The following FSHR variants were observed in gnomAD, a reference collection of about 807,000 sequenced individuals.
The protein encoded by FSHR is follicle-stimulating hormone receptor.
Under a neutral mutation model 52.1 loss-of-function variants are expected in FSHR, and 46 were observed. The ratio of observed to expected loss-of-function variants is 0.88; its 90% confidence interval spans 0.70 to 1.13. FSHR has a LOEUF of 1.13. Among genes scored for constraint, FSHR ranks in the 50% most tolerant of loss-of-function variants. The pLI, the probability that FSHR is intolerant of heterozygous loss-of-function variation, is 0.00. For synonymous variants in FSHR, 399 were observed against 309.6 expected, an observed-to-expected ratio of 1.29 and a Z score of -3.03; for missense variants, 964 against 834.6, an observed-to-expected ratio of 1.16 and a Z score of -1.91.
intron 2 of FSHR, among the ~76,000 whole-genome samples, chr2:49,046,563 A>G (rs1448505907): frequency 6.6e-6 from 1 of 152,172 alleles, no homozygotes; most frequent in African/African-American, 2.4e-5. Context: ...TTTCTGGCAA[A>G]ATAATCACAC....
chr2:49,005,275 G>A (rs17326845), intron 4 of FSHR, among the ~76,000 whole-genome samples: 34 of 152,140 alleles, frequency 2.2e-4, no homozygotes, highest in African/African-American at 7.7e-4. Flanking sequence ...GGAGATGACC[G>A]GCTTGGGCTG....
Position 48,963,498 on chromosome 2 carries a change from G to A in FSHR, c.1323C>T (p.Gly441=). ...CAGTGAAAAAGCCAGCAGCATCACA[G>A]CCTGCCCCAGTTTGCCAGTCAATGG... The part of the protein sequence containing the change: ...NYAIDWQTGA[G]CDAAGFFTVF... Residue 441 remains glycine, a synonymous_variant, in exon 10 of 10, where the codon GGC becomes GGT. Transcript: ENST00000406846. The A allele has an allele frequency of 1.2e-6, 2 of 1,614,182 alleles. No homozygotes were observed. Among genetic ancestry groups the A allele is most frequent in the African/African-American group, 2.7e-5 (2 of 75,052 alleles).
At chr2:48,988,105 T>C (rs1349831283) in intron 6 of FSHR, among the ~76,000 whole-genome samples, 1 of 152,236 alleles carries the variant, frequency 6.6e-6, no homozygotes, top group Non-Finnish European at 1.5e-5. Flanking sequence ...ATAATCTGTC[T>C]ACTATTTCTT....
At chr2:49,004,825 C>A (rs1174594466) in intron 4 of FSHR, among the ~76,000 whole-genome samples, 1 of 152,066 alleles carries the variant, frequency 6.6e-6, no homozygotes, top group African/African-American at 2.4e-5. Flanking sequence ...GAAAGACAGA[C>A]AGGTCTTATT....
chr2:49,127,874 C>T lies in FSHR; in HGVS notation c.152+26392G>A, dbSNP rs1558456958. Among the ~76,000 whole-genome samples the T allele has an allele frequency of 8.8e-4, 34 of 38,824 alleles. 1 individual carries two copies. Among genetic ancestry groups the T allele is most frequent in the African/African-American group, 2.8e-3 (14 of 5,088 alleles). 25.5% of individuals were successfully genotyped at this position (38,824 alleles called of 152,430 possible). ...TCTTCTTCTTCTTCTTCTTCTTCTT[C>T]TTCTTCTTCTTCTTCTTCTTCTTCT... is the stretch of plus-strand genomic sequence containing the variant. On this transcript the variant is annotated intron_variant, in intron 1 of 9. Transcript: ENST00000406846.
At chr2:49,137,215 T>A (rs1330707861) in intron 1 of FSHR, among the ~76,000 whole-genome samples, 1 of 151,952 alleles carries the variant, frequency 6.6e-6, no homozygotes, top group Non-Finnish European at 1.5e-5. Context: ...GTACTTGCAA[T>A]GAACAAATTA....
At chr2:49,083,461 A>C (rs1670253732) in intron 1 of FSHR, among the ~76,000 whole-genome samples, 1 of 150,092 alleles carries the variant, frequency 6.7e-6, no homozygotes, top group African/African-American at 2.5e-5. Flanking sequence ...ACCAGCTAAC[A>C]TCATAATGAC....
intron 1 of FSHR, among the ~76,000 whole-genome samples, chr2:49,140,076 G>A (rs1672623991): frequency 6.6e-6 from 1 of 152,070 alleles, no homozygotes; most frequent in Admixed American, 6.6e-5. Flanking sequence ...ATTTGTTAGG[G>A]CAGCTTTGGC....
intron 2 of FSHR, among the ~76,000 whole-genome samples, chr2:49,036,833 A>C (rs1170157647): frequency 1.3e-5 from 2 of 152,236 alleles, no homozygotes; most frequent in Non-Finnish European, 2.9e-5. Flanking sequence ...CTGAGACAAA[A>C]GCCTCTCCAG....
chr2:49,097,625 A>G (rs75051413), intron 1 of FSHR, among the ~76,000 whole-genome samples: 5,909 of 152,274 alleles, frequency 0.039, 168 homozygotes, highest in Middle Eastern at 0.058. Context: ...TGGAAAATGT[A>G]TCTCTGAGCA....
At chr2:49,105,818 C>A (rs1671200876) in intron 1 of FSHR, among the ~76,000 whole-genome samples, 2 of 152,036 alleles carry the variant, frequency 1.3e-5, no homozygotes, top group Non-Finnish European at 2.9e-5. Context: ...CCTCTCTCCA[C>A]CATGTGAGGC....
At chr2:48,968,596 C>T (rs890430449) in intron 9 of FSHR, 102 bp downstream of exon 9, 3 of 1,379,952 alleles carry the variant, frequency 2.2e-6, no homozygotes, top group African/African-American at 1.4e-5. Flanking sequence ...AGACAGGGAA[C>T]TCTCTGCAAG....
At chr2:49,052,832 G>A (rs1668920705) in intron 2 of FSHR, among the ~76,000 whole-genome samples, 1 of 152,208 alleles carries the variant, frequency 6.6e-6, no homozygotes, top group Admixed American at 6.5e-5. Flanking sequence ...GGGGTGCTCT[G>A]AAGGGCAAAG....
chr2:49,129,051 T>C (rs1409080465), intron 1 of FSHR, among the ~76,000 whole-genome samples: 1 of 149,876 alleles, frequency 6.7e-6, no homozygotes. Context: ...TTTCTTGTTT[T>C]TTTTTTTTTC....
chr2:49,103,936 C>A (rs1671130250), intron 1 of FSHR, among the ~76,000 whole-genome samples: 1 of 150,444 alleles, frequency 6.6e-6, no homozygotes, highest in Non-Finnish European at 1.5e-5. Flanking sequence ...TTCCCCAAAG[C>A]TCAAATGTCA....
At chr2:49,106,628 G>C (rs1420205815) in intron 1 of FSHR, among the ~76,000 whole-genome samples, 6 of 152,212 alleles carry the variant, frequency 3.9e-5, no homozygotes, top group African/African-American at 9.6e-5. Context: ...CAAACTGCAG[G>C]CTCATGAGCA....
chr2:49,004,990 C>G (rs926871109), intron 4 of FSHR, among the ~76,000 whole-genome samples: 9 of 152,108 alleles, frequency 5.9e-5, no homozygotes, highest in African/African-American at 2.2e-4. Context: ...TTAGAAATCC[C>G]CCGTCATGGA....
intron 1 of FSHR, among the ~76,000 whole-genome samples, chr2:49,101,878 G>A (rs1671039684): frequency 6.6e-6 from 1 of 152,130 alleles, no homozygotes; most frequent in African/African-American, 2.4e-5. Flanking sequence ...AGGTGGCACA[G>A]GGTATTATAT....
chr2:48,971,659 T>A (rs1466869427), intron 8 of FSHR, among the ~76,000 whole-genome samples: 1 of 152,234 alleles, frequency 6.6e-6, no homozygotes, highest in Non-Finnish European at 1.5e-5. Context: ...CTGATTTTTT[T>A]GCTTCTTTGT....
Sources: allele counts gnomAD v4.1 joint callset (sites outside exome capture counted in the v4.1 genomes callset), GRCh38; gene constraint gnomAD v4.1.1; transcripts MANE v1.5; gene names NCBI Gene and HGNC (gene_info 2026-07-23, HGNC 2026-07-21).